Variants in PDE1A observed in about 807,000 individuals in gnomAD.
The protein encoded by PDE1A is phosphodiesterase 1A.
PDE1A carries 35 observed loss-of-function variants against 61.7 expected under a neutral mutation model. That is an observed-to-expected ratio of 0.57 (90% CI 0.43 to 0.75). PDE1A has a LOEUF of 0.75. Ranked by LOEUF, PDE1A falls within the 30% of genes least tolerant of loss-of-function variation. The probability of loss-of-function intolerance (pLI) is 0.00; values close to 1 mark genes in which losing one functional copy is unlikely to be tolerated. For missense variants in PDE1A, 597 were observed against 630.6 expected, an observed-to-expected ratio of 0.95 and a Z score of 0.57; for synonymous variants, 232 against 213.2, an observed-to-expected ratio of 1.09 and a Z score of -0.77.
At chr2:182,712,191 A>G in the PDE1A span, among the ~76,000 whole-genome samples, 1 of 152,248 alleles carries the variant, frequency 6.6e-6, no homozygotes, top group East Asian at 1.9e-4. Flanking sequence ...CACAAGTGTC[A>G]AAGTCTTAAA....
chr2:182,195,705 G>C (rs967234420), intron 10 of PDE1A, among the ~76,000 whole-genome samples: 1 of 152,040 alleles, frequency 6.6e-6, no homozygotes, highest in Non-Finnish European at 1.5e-5. Flanking sequence ...TTTGCAAATT[G>C]CTTTGTAAAA....
At chr2:182,244,184 A>T (rs1323629005) in intron 2 of PDE1A, among the ~76,000 whole-genome samples, 1 of 152,054 alleles carries the variant, frequency 6.6e-6, no homozygotes, top group African/African-American at 2.4e-5. Flanking sequence ...TATATTATTA[A>T]TGTTTTCTCA....
chr2:182,586,542 A>G, the PDE1A span, among the ~76,000 whole-genome samples: 3 of 152,118 alleles, frequency 2.0e-5, no homozygotes, highest in Admixed American at 6.5e-5. Flanking sequence ...TACACTGCAC[A>G]TGGTATTATT....
chr2:182,182,449 C>T (rs1384515724), intron 13 of PDE1A, among the ~76,000 whole-genome samples: 1 of 152,224 alleles, frequency 6.6e-6, no homozygotes, highest in East Asian at 1.9e-4. Flanking sequence ...GTCTAAGCTC[C>T]CATGTGTCTC....
At chr2:182,147,097 A>C in exon 14 of PDE1A, 1 of 1,606,796 alleles carries the variant, frequency 6.2e-7, no homozygotes, top group South Asian at 1.1e-5. Context: ...GTGTCTCATC[A>C]TGTTTTTCTT....
chr2:182,686,905 C>G, the PDE1A span, among the ~76,000 whole-genome samples: 1 of 152,198 alleles, frequency 6.6e-6, no homozygotes, highest in Non-Finnish European at 1.5e-5. Context: ...CTTGGAGGGT[C>G]CCATGCCCAT....
upstream of PDE1A, among the ~76,000 whole-genome samples, chr2:182,527,324 AAAAATATATATATATATAT>A (rs1559543406): frequency 1.4e-3 from 53 of 37,170 alleles, 4 homozygotes; most frequent in South Asian, 9.0e-3. Context: ...AAAAAAAAAA[AAAAATATATATATATATAT>A]ATATATATAT....
At chr2:182,164,093 T>C (rs950868713), downstream of PDE1A, among the ~76,000 whole-genome samples, 1 of 152,184 alleles carries the variant, frequency 6.6e-6, no homozygotes, top group African/African-American at 2.4e-5. Context: ...CTACCTACCA[T>C]TAACTGGGTG....
the PDE1A span, among the ~76,000 whole-genome samples, chr2:182,702,627 A>G: frequency 6.6e-6 from 1 of 152,220 alleles, no homozygotes; most frequent in Non-Finnish European, 1.5e-5. Context: ...TCATAATTAT[A>G]AAAGTTATAA....
chr2:182,332,564 G>A (rs977939699), intron 1 of PDE1A, among the ~76,000 whole-genome samples: 11 of 152,066 alleles, frequency 7.2e-5, no homozygotes, highest in African/African-American at 2.7e-4. Flanking sequence ...TGTCCTTTTT[G>A]TTGATGTTGA....
At chr2:182,577,364 G>T in the PDE1A span, among the ~76,000 whole-genome samples, 65 of 152,196 alleles carry the variant, frequency 4.3e-4, no homozygotes, top group Non-Finnish European at 6.3e-4. Context: ...TCCTGAATTT[G>T]CAGATTTGTC....
At chr2:182,496,882 A>G (rs563040104) in intron 2 of PDE1A, among the ~76,000 whole-genome samples, 1 of 152,296 alleles carries the variant, frequency 6.6e-6, no homozygotes, top group African/African-American at 2.4e-5. Context: ...GTGATTTTGT[A>G]AGCAACTAAT....
At chr2:182,646,539 T>C in the PDE1A span, among the ~76,000 whole-genome samples, 1 of 151,242 alleles carries the variant, frequency 6.6e-6, no homozygotes, top group Non-Finnish European at 1.5e-5. Context: ...ACAAAAATTA[T>C]CTGGGCATGG....
rs140836243 is a variant in PDE1A at position 182,364,548 on chromosome 2, T to C, written c.53+62030A>G. On this transcript the variant is annotated intron_variant, in intron 1 of 13. Coordinates refer to ENST00000351439, the Ensembl canonical transcript of PDE1A. The stretch of plus-strand genomic sequence containing the variant: ...GAATCTTACCCCTTGCAGGAAAAGC[T>C]AGTACATAGCTCTGACATTTCAGGA... Among the ~76,000 whole-genome samples, 656 of 133,308 alleles carry C rather than the reference T, an allele frequency of 4.9e-3. 3 individuals are homozygous for C. The highest frequency in any genetic ancestry group is 0.016 in the South Asian group (65 of 3,952). 87.5% of individuals were successfully genotyped at this position (133,308 alleles called of 152,430 possible).
At chr2:182,689,498 A>G in the PDE1A span, among the ~76,000 whole-genome samples, 1 of 152,244 alleles carries the variant, frequency 6.6e-6, no homozygotes, top group Non-Finnish European at 1.5e-5. Flanking sequence ...AAGACACAAC[A>G]TACCAGACTC....
the PDE1A span, among the ~76,000 whole-genome samples, chr2:182,553,813 T>A: frequency 6.6e-6 from 1 of 152,188 alleles, no homozygotes; most frequent in African/African-American, 2.4e-5. Context: ...CACACAGAAG[T>A]GCAGAGCAAT....
Position 182,183,173 on chromosome 2 carries a change from T to C in PDE1A, c.1516+2719A>G, listed in dbSNP as rs1406661838. Among the ~76,000 whole-genome samples, 5 of 152,154 alleles carry C rather than the reference T, an allele frequency of 3.3e-5. No homozygotes were observed. The South Asian group carries it at 8.3e-4, about 25-fold the overall frequency. ...ACTCATTTAATTCTCTTAAAACCTA[T>C]GGTGAAGAGGAATACTTCCTGCTAT... On this transcript the variant is annotated intron_variant, in intron 13 of 13. Transcript: ENST00000351439.
the PDE1A span, among the ~76,000 whole-genome samples, chr2:182,608,917 C>T: frequency 1.6e-3 from 247 of 152,328 alleles, no homozygotes; most frequent in African/African-American, 5.7e-3. Context: ...GTAAATACCC[C>T]AATCAGCACT....
chr2:182,361,837 G>C (rs569577859), intron 1 of PDE1A, among the ~76,000 whole-genome samples: 1 of 151,844 alleles, frequency 6.6e-6, no homozygotes, highest in Non-Finnish European at 1.5e-5. Context: ...GTAACATAAG[G>C]GAACCAAAAT....
Sources: allele counts gnomAD v4.1 joint callset (sites outside exome capture counted in the v4.1 genomes callset), GRCh38; gene constraint gnomAD v4.1.1; transcripts MANE v1.5; gene names NCBI Gene and HGNC (gene_info 2026-07-23, HGNC 2026-07-21).